Variants in PCDH9 observed in about 807,000 individuals in gnomAD.
PCDH9 encodes protocadherin 9.
PCDH9 carries 24 observed loss-of-function variants against 70.6 expected under a neutral mutation model. The observed-to-expected ratio is 0.34, with a 90% CI of 0.25 to 0.48. The LOEUF (loss-of-function observed/expected upper bound fraction) is 0.48. Among genes scored for constraint, PCDH9 ranks in the 20% least tolerant of loss-of-function variants. PCDH9 has a pLI of 0.99. For missense variants in PCDH9, 1,281 were observed against 1,503.6 expected, an observed-to-expected ratio of 0.85 and a Z score of 2.45; for synonymous variants, 562 against 558.5, an observed-to-expected ratio of 1.01 and a Z score of -0.09.
chr13:67,140,783 G>T (rs541943335), intron 2 of PCDH9, among the ~76,000 whole-genome samples: 1 of 152,158 alleles, frequency 6.6e-6, no homozygotes, highest in East Asian at 1.9e-4. Flanking sequence ...ATAAAGGCAT[G>T]CCCTGGCCAC....
chr13:66,440,645 G>T (rs1035568628), intron 4 of PCDH9, among the ~76,000 whole-genome samples: 3 of 152,096 alleles, frequency 2.0e-5, no homozygotes, highest in Admixed American at 1.3e-4. Context: ...AATAGCTAAT[G>T]AATAGAAGGA....
intron 3 of PCDH9, among the ~76,000 whole-genome samples, chr13:66,896,815 A>C (rs2082187917): frequency 1.3e-5 from 2 of 152,262 alleles, no homozygotes; most frequent in Non-Finnish European, 2.9e-5. Context: ...TGAGGAGACA[A>C]AGAACCAGTG....
intron 4 of PCDH9, among the ~76,000 whole-genome samples, chr13:66,497,414 AG>A (rs1296521109): frequency 1.3e-5 from 2 of 152,196 alleles, no homozygotes; most frequent in African/African-American, 4.8e-5. Flanking sequence ...TACATTTTAT[AG>A]GTTATGCTTT....
At chr13:66,358,576 T>C (rs1259351938) in intron 4 of PCDH9, among the ~76,000 whole-genome samples, 1 of 152,024 alleles carries the variant, frequency 6.6e-6, no homozygotes, top group Non-Finnish European at 1.5e-5. Context: ...ATACATTATG[T>C]TTATAAATGC....
chr13:67,155,848 C>A (rs982959044), intron 2 of PCDH9, among the ~76,000 whole-genome samples: 1 of 152,020 alleles, frequency 6.6e-6, no homozygotes, highest in African/African-American at 2.4e-5. Context: ...TGTCTAAATT[C>A]TATTCATACC....
At chr13:66,937,220 C>A (rs118098535) in intron 2 of PCDH9, among the ~76,000 whole-genome samples, 3 of 152,074 alleles carry the variant, frequency 2.0e-5, no homozygotes, top group African/African-American at 7.2e-5. Flanking sequence ...GAGAGCCCTA[C>A]GGGATTGGTT....
intron 2 of PCDH9, among the ~76,000 whole-genome samples, chr13:66,990,398 A>G (rs1594358705): frequency 6.6e-6 from 1 of 151,670 alleles, no homozygotes; most frequent in South Asian, 2.1e-4. Context: ...TCATACTCTA[A>G]AAGAATATAT....
chr13:67,175,960 T>A (rs539270227), intron 2 of PCDH9, among the ~76,000 whole-genome samples: 12 of 148,288 alleles, frequency 8.1e-5, no homozygotes, highest in African/African-American at 2.7e-4. Flanking sequence ...AAAAAAAAAC[T>A]GGTCTGTTCA....
At chr13:66,664,691 A>G (rs2078068495) in intron 3 of PCDH9, among the ~76,000 whole-genome samples, 1 of 152,162 alleles carries the variant, frequency 6.6e-6, no homozygotes, top group African/African-American at 2.4e-5. Flanking sequence ...CATGGACAAT[A>G]AAATCCTTAA....
At chr13:67,180,721 A>G (rs1040193892) in intron 2 of PCDH9, among the ~76,000 whole-genome samples, 9 of 152,042 alleles carry the variant, frequency 5.9e-5, no homozygotes, top group Non-Finnish European at 1.2e-4. Flanking sequence ...TTTTCTATCT[A>G]TTGCTCCTTC....
chr13:66,969,110 G>A (rs907274794), intron 2 of PCDH9, among the ~76,000 whole-genome samples: 2 of 152,014 alleles, frequency 1.3e-5, no homozygotes, highest in Non-Finnish European at 2.9e-5. Context: ...TCAGTAAGCT[G>A]TCAATCAATT....
At chr13:66,447,901 T>A (rs921211818) in intron 4 of PCDH9, among the ~76,000 whole-genome samples, 4 of 152,150 alleles carry the variant, frequency 2.6e-5, no homozygotes, top group African/African-American at 9.7e-5. Flanking sequence ...AAATATGAGG[T>A]AATGACATTA....
At chr13:66,386,718 A>C (rs1389238653) in intron 4 of PCDH9, among the ~76,000 whole-genome samples, 1 of 152,124 alleles carries the variant, frequency 6.6e-6, no homozygotes, top group South Asian at 2.1e-4. Flanking sequence ...GAATTAACAA[A>C]ATTGGGTGCT....
intron 3 of PCDH9, among the ~76,000 whole-genome samples, chr13:66,714,012 C>T (rs2078835442): frequency 6.6e-6 from 1 of 151,932 alleles, no homozygotes; most frequent in African/African-American, 2.4e-5. Flanking sequence ...TTTCTTCATC[C>T]TATAATTTAT....
intron 3 of PCDH9, among the ~76,000 whole-genome samples, chr13:66,830,444 A>C (rs575080356): frequency 1.3e-5 from 2 of 152,314 alleles, no homozygotes; most frequent in East Asian, 3.9e-4. Flanking sequence ...AACGTTAATA[A>C]ATATATTCTA....
chr13:66,997,666 C>T (rs1431854791), intron 2 of PCDH9, among the ~76,000 whole-genome samples: 1 of 152,178 alleles, frequency 6.6e-6, no homozygotes, highest in African/African-American at 2.4e-5. Flanking sequence ...TCCCGAGTAG[C>T]TGGGACTACG....
At chr13:67,060,969 T>C (rs1258483638) in intron 2 of PCDH9, among the ~76,000 whole-genome samples, 3 of 152,116 alleles carry the variant, frequency 2.0e-5, no homozygotes, top group Admixed American at 2.0e-4. Flanking sequence ...GTTTGTCCTA[T>C]TTTTAAAAAT....
At chr13:67,130,634 C>T (rs931017955) in intron 2 of PCDH9, among the ~76,000 whole-genome samples, 1 of 152,100 alleles carries the variant, frequency 6.6e-6, no homozygotes, top group Non-Finnish European at 1.5e-5. Flanking sequence ...GTCCAAGAAA[C>T]ACCATGATGA....
intron 3 of PCDH9, among the ~76,000 whole-genome samples, chr13:66,877,157 T>C (rs1479898382): frequency 6.6e-6 from 1 of 151,856 alleles, no homozygotes; most frequent in African/African-American, 2.4e-5. Flanking sequence ...TTTTGAAAAT[T>C]TAGATTTCTA....
Sources: gnomAD v4.1 joint callset for allele counts (sites outside exome capture counted in the v4.1 genomes callset) on GRCh38, gnomAD v4.1.1 for gene constraint, MANE v1.5 for transcripts, NCBI Gene and HGNC (gene_info 2026-07-23, HGNC 2026-07-21) for gene names.